SUGCT: variants seen among roughly 807,000 people sequenced by gnomAD.
SUGCT encodes the protein succinyl-CoA:glutarate-CoA transferase.
A neutral mutation model predicts 55.0 loss-of-function variants in SUGCT; 41 were observed. That is an observed-to-expected ratio of 0.74 (90% CI 0.58 to 0.97). The LOEUF (loss-of-function observed/expected upper bound fraction) is 0.97. Ranked by LOEUF, SUGCT falls within the 50% of genes least tolerant of loss-of-function variation. SUGCT has a pLI of 0.00. For missense variants in SUGCT, 568 were observed against 547.8 expected (o/e 1.04, Z -0.37); for synonymous variants, 187 against 200.4 (o/e 0.93, Z 0.56).
chr7:40,517,750 A>G (rs988161596), intron 12 of SUGCT, among the ~76,000 whole-genome samples: 9 of 152,044 alleles, frequency 5.9e-5, no homozygotes, highest in Non-Finnish European at 8.8e-5. Context: ...TGTTTTTAAT[A>G]ATGATTTTCA....
At chr7:40,365,619 A>T (rs1433082442) in intron 9 of SUGCT, among the ~76,000 whole-genome samples, 7 of 151,922 alleles carry the variant, frequency 4.6e-5, no homozygotes, top group African/African-American at 1.7e-4. Context: ...TACACCAATA[A>T]CAGACAAACA....
intron 11 of SUGCT, among the ~76,000 whole-genome samples, chr7:40,465,362 C>T (rs371116734): frequency 7.2e-5 from 11 of 152,192 alleles, no homozygotes; most frequent in African/African-American, 2.4e-4. Flanking sequence ...GTAATCCTAG[C>T]GCTCTGGGAG....
the SUGCT span, among the ~76,000 whole-genome samples, chr7:40,999,931 A>G: frequency 1.3e-5 from 2 of 152,172 alleles, no homozygotes; most frequent in Non-Finnish European, 2.9e-5. Flanking sequence ...AAACATTTTC[A>G]TGGGTCCCTA....
At chr7:40,947,884 T>C in the SUGCT span, among the ~76,000 whole-genome samples, 2 of 152,346 alleles carry the variant, frequency 1.3e-5, no homozygotes, top group East Asian at 3.9e-4. Flanking sequence ...ACTTATTGTT[T>C]GTGCAGAACC....
intron 12 of SUGCT, among the ~76,000 whole-genome samples, chr7:40,630,794 C>T (rs552977353): frequency 1.4e-3 from 207 of 142,858 alleles, no homozygotes; most frequent in African/African-American, 4.7e-3. Flanking sequence ...AAAGTATATT[C>T]AAGATTCTGA....
intron 12 of SUGCT, among the ~76,000 whole-genome samples, chr7:40,671,092 A>G (rs1178632136): frequency 6.6e-6 from 1 of 152,162 alleles, no homozygotes; most frequent in Non-Finnish European, 1.5e-5. Context: ...ATGCTTGAAA[A>G]CCAAATGTTA....
intron 12 of SUGCT, among the ~76,000 whole-genome samples, chr7:40,605,048 G>T (rs1030398276): frequency 1.3e-5 from 2 of 152,334 alleles, no homozygotes; most frequent in East Asian, 3.9e-4. Context: ...CAGCACACGC[G>T]TCCGCCTCTC....
intron 1 of SUGCT, among the ~76,000 whole-genome samples, chr7:40,178,104 C>T (rs761513753): frequency 5.9e-5 from 9 of 152,198 alleles, no homozygotes; most frequent in Non-Finnish European, 1.2e-4. Context: ...GGCTCATATA[C>T]TGCGGTTGGT....
At chr7:40,272,512 T>G (rs1268557470) in intron 7 of SUGCT, among the ~76,000 whole-genome samples, 1 of 151,368 alleles carries the variant, frequency 6.6e-6, no homozygotes, top group East Asian at 2.0e-4. Context: ...TGATGGACAC[T>G]TGGGTTTATT....
At chr7:40,139,478 G>A (rs1042660986) in intron 1 of SUGCT, among the ~76,000 whole-genome samples, 8 of 152,166 alleles carry the variant, frequency 5.3e-5, no homozygotes, top group African/African-American at 1.4e-4. Context: ...GATTACAGGC[G>A]TGAGCCACTG....
chr7:40,377,139 T>C (rs574722041), intron 9 of SUGCT, among the ~76,000 whole-genome samples: 7 of 12,814 alleles, frequency 5.5e-4, no homozygotes, highest in Non-Finnish European at 1.9e-3. Flanking sequence ...TCTTTCTTTC[T>C]TTCTTTCTTT....
In SUGCT at chr7:40,273,188, T is replaced by A. The variant is rs187350051; in HGVS notation, c.577-1325T>A. On this transcript the variant is annotated intron_variant, in intron 7 of 13. Transcript: ENST00000335693. ...AACTGCCAGACATTTCCAAGTTTCATGGCAATATCGTCCTTGAAATTGTAT... is the reference window on the plus strand; with the variant it reads ...AACTGCCAGACATTTCCAAGTTTCAAGGCAATATCGTCCTTGAAATTGTAT... 3.3e-5 allele frequency among the ~76,000 whole-genome samples: 5 copies of A among 152,330 alleles called. No homozygotes were observed. In the East Asian group the frequency reaches 9.6e-4, roughly 29 times the overall value.
chr7:40,340,079 C>A (rs921487734), intron 9 of SUGCT, among the ~76,000 whole-genome samples: 1 of 152,106 alleles, frequency 6.6e-6, no homozygotes, highest in Non-Finnish European at 1.5e-5. Flanking sequence ...AGATTATCTG[C>A]CAGAAACCAA....
intron 12 of SUGCT, among the ~76,000 whole-genome samples, chr7:40,715,145 ACTCT>A (rs1304346840): frequency 2.0e-5 from 3 of 151,942 alleles, no homozygotes; most frequent in African/African-American, 7.3e-5. Flanking sequence ...AAAAAAATAA[ACTCT>A]CTCCTTTGTT....
intron 7 of SUGCT, among the ~76,000 whole-genome samples, chr7:40,238,146 C>A (rs1246792356): frequency 1.1e-4 from 16 of 152,152 alleles, no homozygotes; most frequent in African/African-American, 3.9e-4. Context: ...GTGCCTTCAT[C>A]TGCCATGTGT....
chr7:40,981,073 A>G, the SUGCT span, among the ~76,000 whole-genome samples: 3 of 151,552 alleles, frequency 2.0e-5, no homozygotes, highest in Admixed American at 6.6e-5. Flanking sequence ...GGATGGCAGC[A>G]TCTCATTTCT....
At chr7:40,728,289 C>T (rs1021254727) in intron 12 of SUGCT, among the ~76,000 whole-genome samples, 2 of 152,128 alleles carry the variant, frequency 1.3e-5, no homozygotes, top group Non-Finnish European at 2.9e-5. Flanking sequence ...GAGGCTGAAG[C>T]GGGTGGATCA....
At chr7:40,836,032 A>ATG (rs2128783269) in intron 13 of SUGCT, among the ~76,000 whole-genome samples, 1 of 151,444 alleles carries the variant, frequency 6.6e-6, no homozygotes, top group South Asian at 2.1e-4. Context: ...AGCTGGGACT[A>ATG]CAGGTTTATG....
At chr7:40,965,730 T>A in the SUGCT span, 1 of 152,236 alleles carries the variant, frequency 6.6e-6, no homozygotes, top group Admixed American at 6.5e-5. Flanking sequence ...AACAGACTAT[T>A]TGGAAAACAA....
Sources: allele counts gnomAD v4.1 joint callset (sites outside exome capture counted in the v4.1 genomes callset), GRCh38; gene constraint gnomAD v4.1.1; transcripts MANE v1.5; gene names NCBI Gene and HGNC (gene_info 2026-07-23, HGNC 2026-07-21).